CPVL: variants seen among roughly 807,000 people sequenced by gnomAD.
The protein encoded by CPVL is probable serine carboxypeptidase CPVL.
CPVL carries 51 observed loss-of-function variants against 63.7 expected under a neutral mutation model. The observed-to-expected ratio is 0.80, with a 90% CI of 0.64 to 1.01. CPVL has a LOEUF of 1.01. CPVL is among the 50% of genes least tolerant of loss of function. The pLI is 0.00. For synonymous variants in CPVL, 195 were observed against 206.0 expected, an observed-to-expected ratio of 0.95 and a Z score of 0.46; for missense variants, 530 against 573.1, an observed-to-expected ratio of 0.92 and a Z score of 0.77.
intron 7 of CPVL, among the ~76,000 whole-genome samples, chr7:29,084,169 A>G (rs1435148448): frequency 5.3e-5 from 8 of 152,130 alleles, no homozygotes; most frequent in Admixed American, 5.2e-4. Flanking sequence ...ATGGTTTCCC[A>G]TTACCGTTAG....
At chr7:29,155,927 T>C (rs1428139991) in intron 5 of CPVL, among the ~76,000 whole-genome samples, 1 of 152,214 alleles carries the variant, frequency 6.6e-6, no homozygotes, top group Non-Finnish European at 1.5e-5. Context: ...CCTGAGCCGA[T>C]AGATCTAGAG....
intron 6 of CPVL, among the ~76,000 whole-genome samples, chr7:29,087,154 G>A (rs542005417): frequency 7.2e-5 from 11 of 152,248 alleles, no homozygotes; most frequent in African/African-American, 2.6e-4. Flanking sequence ...CGGCCAGGGC[G>A]GTGGCTCATG....
chr7:29,060,456 T>C (rs968600819), intron 11 of CPVL, among the ~76,000 whole-genome samples: 1 of 152,226 alleles, frequency 6.6e-6, no homozygotes, highest in African/African-American at 2.4e-5. Flanking sequence ...ATGTTTTGAC[T>C]TCATTCAGTC....
intron 1 of CPVL, chr7:29,126,484 T>C (rs1012751743): frequency 1.3e-5 from 2 of 152,186 alleles, no homozygotes; most frequent in African/African-American, 2.4e-5. Flanking sequence ...AGTTCTCCCC[T>C]ACCTGATCAA....
upstream of CPVL, among the ~76,000 whole-genome samples, chr7:29,149,909 G>T (rs1343290726): frequency 6.6e-6 from 1 of 152,132 alleles, no homozygotes; most frequent in Non-Finnish European, 1.5e-5. Flanking sequence ...CCACTCTAAT[G>T]ACCTCATTTT....
chr7:29,101,652 T>A (rs1562769960), intron 3 of CPVL, among the ~76,000 whole-genome samples: 1 of 152,138 alleles, frequency 6.6e-6, no homozygotes, highest in Non-Finnish European at 1.5e-5. Flanking sequence ...AAAACAGTAC[T>A]TATTCTTAAC....
chr7:29,126,969 C>T (rs1383867087), intron 1 of CPVL: 2 of 152,228 alleles, frequency 1.3e-5, no homozygotes, highest in Non-Finnish European at 2.9e-5. Flanking sequence ...TGAAGTGGCA[C>T]TGAGACACGC....
intron 11 of CPVL, among the ~76,000 whole-genome samples, chr7:29,031,251 C>T (rs1312580803): frequency 6.6e-6 from 1 of 152,266 alleles, no homozygotes; most frequent in Admixed American, 6.5e-5. Flanking sequence ...TTTGCAGCAG[C>T]AGACAGAGAG....
At chr7:29,127,059 T>C (rs1477330563) in intron 1 of CPVL, 2 of 152,220 alleles carry the variant, frequency 1.3e-5, no homozygotes, top group Non-Finnish European at 2.9e-5. Context: ...TCCCTGTCTC[T>C]GCCACCATAT....
At chr7:29,091,404 G>A (rs1584235047) in intron 6 of CPVL, among the ~76,000 whole-genome samples, 1 of 152,100 alleles carries the variant, frequency 6.6e-6, no homozygotes, top group Non-Finnish European at 1.5e-5. Flanking sequence ...AAGAGGGATG[G>A]GAGGTGGGGG....
intron 11 of CPVL, among the ~76,000 whole-genome samples, chr7:29,057,743 C>T (rs1476294127): frequency 2.0e-5 from 3 of 152,138 alleles, no homozygotes; most frequent in Non-Finnish European, 4.4e-5. Flanking sequence ...TGTTCCTGCA[C>T]CATTTGTTGT....
chr7:29,083,483 A>G (rs969179457), intron 7 of CPVL, among the ~76,000 whole-genome samples: 2 of 152,198 alleles, frequency 1.3e-5, no homozygotes, highest in African/African-American at 4.8e-5. Context: ...ATCCAAGTGG[A>G]TCATCTGAGA....
chr7:29,069,784 G>A (rs1467865462), intron 9 of CPVL, among the ~76,000 whole-genome samples: 1 of 40,426 alleles, frequency 2.5e-5, no homozygotes, highest in African/African-American at 6.0e-5. Flanking sequence ...GTGTGTGTGT[G>A]TGTGTGTGTG....
Position 29,112,693 on chromosome 7 carries a change from T to G in CPVL, c.288+11A>C, listed in dbSNP as rs1584296454. On this transcript the variant is annotated intron_variant, in intron 3 of 12. Transcript: ENST00000265394. ...TCTTGAACACTGGTGTTCTTTCTGT[T>G]GGGCACCTACCTGAGCTGGGAAGAA... 3.8e-6 allele frequency: 6 copies of G among 1,583,682 alleles called. No individual in the cohort carries two copies. In the East Asian group the frequency reaches 1.3e-4, roughly 35 times the overall value.
At chr7:29,120,598 T>A (rs1789264116) in intron 2 of CPVL, among the ~76,000 whole-genome samples, 2 of 151,632 alleles carry the variant, frequency 1.3e-5, no homozygotes, top group South Asian at 4.2e-4. Flanking sequence ...CCGAGGTGGG[T>A]GAATCTCGAG....
upstream of CPVL, chr7:29,147,110 G>C (rs1325551674): frequency 4.7e-6 from 5 of 1,073,974 alleles, no homozygotes; most frequent in Middle Eastern, 3.0e-4. Flanking sequence ...CCCATCCAGG[G>C]TCACATTGCT....
chr7:29,192,532 GT>G (rs1463994801), intron 1 of CPVL: 1 of 152,178 alleles, frequency 6.6e-6, no homozygotes, highest in Non-Finnish European at 1.5e-5. Context: ...AGTAGAACAG[GT>G]CACAGTTGAT....
chr7:29,056,023 T>C (rs1214339752), intron 11 of CPVL, among the ~76,000 whole-genome samples: 1 of 152,156 alleles, frequency 6.6e-6, no homozygotes, highest in Non-Finnish European at 1.5e-5. Context: ...ATTAATAAAT[T>C]AGTAAATTTT....
chr7:29,167,114 G>A lies in CPVL; in HGVS notation c.-11+14176C>T, dbSNP rs547531865. 5.1e-3 allele frequency among the ~76,000 whole-genome samples: 772 copies of A among 152,128 alleles called. 5 individuals are homozygous for A. The highest frequency in any genetic ancestry group is 7.9e-3 in the Non-Finnish European group (535 of 67,968). On this transcript the variant is annotated intron_variant, in intron 5 of 16. Coordinates refer to the CPVL transcript ENST00000409850. Reference sequence around the variant, plus strand: ...TATCAATACCTTAAATCTGTCCCTGGTAACATCCCTACCTTGATACACTCA... The same window carrying A: ...TATCAATACCTTAAATCTGTCCCTGATAACATCCCTACCTTGATACACTCA...
Sources: allele counts gnomAD v4.1 joint callset (sites outside exome capture counted in the v4.1 genomes callset), GRCh38; gene constraint gnomAD v4.1.1; transcripts MANE v1.5; gene names NCBI Gene and HGNC (gene_info 2026-07-23, HGNC 2026-07-21).